TTLL1: variants seen among roughly 807,000 people sequenced by gnomAD.
The protein encoded by TTLL1 is TTL family tubulin polyglutamylase complex subunit L1.
TTLL1 carries 33 observed loss-of-function variants against 47.8 expected under a neutral mutation model. The ratio of observed to expected loss-of-function variants is 0.69; its 90% CI spans 0.52 to 0.92. TTLL1 has a LOEUF of 0.92. Among genes scored for constraint, TTLL1 ranks in the 40% least tolerant of loss-of-function variants. The probability of loss-of-function intolerance (pLI) is 0.00; values close to 1 mark genes in which losing one functional copy is unlikely to be tolerated. For synonymous variants in TTLL1, 225 were observed against 214.1 expected, an observed-to-expected ratio of 1.05 and a Z score of -0.45; for missense variants, 488 against 547.5, an observed-to-expected ratio of 0.89 and a Z score of 1.08.
At chr22:43,084,602 C>T (rs1436573013) in intron 1 of TTLL1, among the ~76,000 whole-genome samples, 6 of 150,952 alleles carry the variant, frequency 4.0e-5, no homozygotes, top group Admixed American at 6.6e-5. Flanking sequence ...CCTGGGCTCA[C>T]GCCATTCTCC....
At chr22:43,050,490 T>C (rs1926535011) in intron 9 of TTLL1, among the ~76,000 whole-genome samples, 1 of 149,736 alleles carries the variant, frequency 6.7e-6, no homozygotes, top group Non-Finnish European at 1.5e-5. Context: ...AGACTTCCAT[T>C]CAAGTCACTC....
chr22:43,078,878 G>T lies in TTLL1; in HGVS notation c.-5+1024C>A, dbSNP rs950424771. Reference sequence around the variant, plus strand: ...ACACCCACAGACACGGGGACCACGGGAGCCGCACCCCAGAGCGTGAGCCCA... The same window carrying T: ...ACACCCACAGACACGGGGACCACGGTAGCCGCACCCCAGAGCGTGAGCCCA... On this transcript the variant is annotated intron_variant, in intron 2 of 10. Transcript: ENST00000266254. Among the ~76,000 whole-genome samples the T allele has an allele frequency of 2.2e-3, 326 of 148,614 alleles. 1 individual carries two copies. The highest frequency in any genetic ancestry group is 3.9e-3 in the Non-Finnish European group (259 of 66,718).
At chr22:43,082,887 G>A (rs1263186215) in intron 1 of TTLL1, among the ~76,000 whole-genome samples, 3 of 151,832 alleles carry the variant, frequency 2.0e-5, no homozygotes, top group African/African-American at 7.3e-5. Flanking sequence ...GGTGGCGGGC[G>A]CCTGTAATCC....
chr22:43,058,357 A>G (rs1294476973), intron 8 of TTLL1, among the ~76,000 whole-genome samples: 1 of 152,192 alleles, frequency 6.6e-6, no homozygotes, highest in Non-Finnish European at 1.5e-5. Context: ...ACGAATGCCA[A>G]CTGAAAACCA....
chr22:43,078,349 A>G (rs1475595933), intron 2 of TTLL1, among the ~76,000 whole-genome samples: 1 of 152,010 alleles, frequency 6.6e-6, no homozygotes, highest in African/African-American at 2.4e-5. Context: ...TACAAAAATT[A>G]GCTGGGCGTG....
chr22:43,075,250 T>G (rs1928406973), intron 3 of TTLL1, among the ~76,000 whole-genome samples: 1 of 151,700 alleles, frequency 6.6e-6, no homozygotes, highest in South Asian at 2.1e-4. Context: ...ACAGGGTTGC[T>G]GTGCTGAAAC....
chr22:43,048,281 C>A (rs1009335294), intron 9 of TTLL1, among the ~76,000 whole-genome samples: 2 of 151,140 alleles, frequency 1.3e-5, no homozygotes, highest in African/African-American at 2.4e-5. Flanking sequence ...CACGCCACTG[C>A]GCTCCAGCCT....
In TTLL1 at chr22:43,063,902, G is replaced by T; in HGVS notation, c.658C>A (p.Arg220=). The change falls in exon 7 of 11, where the codon CGG becomes AGG. Residue 220 remains arginine (R), a synonymous_variant. Transcript: ENST00000266254. ...GGGGTGTATTTCACTGTGCAGAACC[G>T]GCAAAACCCAAGCTTGTACCTAGGA... ...RCYMYKLGFC[R]FCTVKYTPST... The T allele has an allele frequency of 1.2e-6, 2 of 1,614,048 alleles. No individual in the cohort carries two copies. Among genetic ancestry groups the T allele is most frequent in the Non-Finnish European group, 1.7e-6 (2 of 1,179,998 alleles).
rs1431299186 is a variant in TTLL1 at position 43,063,876 on chromosome 22, C to T, written c.684G>A (p.Pro228=). 23 of 1,613,914 alleles carry T rather than the reference C, an allele frequency of 1.4e-5. No homozygotes were observed. The highest frequency in any genetic ancestry group is 2.2e-5 in the East Asian group (1 of 44,892). Residue 228 remains proline, a synonymous_variant, in exon 7 of 11, where the codon CCG becomes CCA. Coordinates refer to ENST00000266254, the MANE Select transcript of TTLL1 (RefSeq NM_012263.5). Reference sequence around the variant, plus strand: ...ACATGTTGTCCAGCTCACTGGTACTCGGGGTGTATTTCACTGTGCAGAACC... The same window carrying T: ...ACATGTTGTCCAGCTCACTGGTACTTGGGGTGTATTTCACTGTGCAGAACC... ...FCRFCTVKYT[P]STSELDNMFV...
At chr22:43,066,144 G>C (rs1222576253) in intron 5 of TTLL1, among the ~76,000 whole-genome samples, 1 of 148,322 alleles carries the variant, frequency 6.7e-6, no homozygotes, top group Non-Finnish European at 1.5e-5. Flanking sequence ...GGGAGACAGA[G>C]CGAGACACTG....
At chr22:43,051,930 G>A (rs754012701) in intron 8 of TTLL1, 43 bp from the exon 9 acceptor site, 1 of 1,594,816 alleles carries the variant, frequency 6.3e-7, no homozygotes, top group South Asian at 1.1e-5. Flanking sequence ...CAGCATCGAA[G>A]GGCGCAGCCG....
intron 4 of TTLL1, among the ~76,000 whole-genome samples, chr22:43,069,274 C>A (rs937920873): frequency 2.6e-5 from 4 of 151,348 alleles, no homozygotes; most frequent in Non-Finnish European, 5.9e-5. Context: ...CACCAGTAGT[C>A]CCAGCTACTT....
intron 3 of TTLL1, chr22:43,070,261 AG>A (rs1412723014): frequency 2.3e-6 from 3 of 1,277,812 alleles, no homozygotes; most frequent in Admixed American, 4.6e-5. Flanking sequence ...ACAAAATCAC[AG>A]GGGTTATTTA....
chr22:43,039,763 G>T lies in TTLL1; in HGVS notation c.*13C>A. The T allele has an allele frequency of 6.2e-7, 1 of 1,604,842 alleles. No individual in the cohort carries two copies. Among genetic ancestry groups the T allele is most frequent in the Non-Finnish European group, 8.5e-7 (1 of 1,174,194 alleles). ...AGGTGGAGTGAGTAGTTTTGATAAG[G>T]TCCAGGTGGGACTCACTTCCAGGTG... is the stretch of plus-strand genomic sequence containing the variant. On this transcript the variant is annotated 3_prime_UTR_variant, in exon 11 of 11. Transcript: ENST00000266254.
chr22:43,055,896 T>C (rs1926965523), intron 8 of TTLL1, among the ~76,000 whole-genome samples: 1 of 151,520 alleles, frequency 6.6e-6, no homozygotes, highest in Non-Finnish European at 1.5e-5. Flanking sequence ...AGAGAATGTT[T>C]CTTTTTTTGT....
chr22:43,066,776 G>C lies in TTLL1; in HGVS notation c.503+1634C>G, dbSNP rs183755308. Among the ~76,000 whole-genome samples the C allele has an allele frequency of 5.9e-5, 9 of 151,800 alleles. No individual in the cohort carries two copies. In the East Asian group the frequency reaches 1.7e-3, roughly 29 times the overall value. ...AGGCCAAGGTGGGTGGATCACTTGAGGTCAAGAGTTAGAGACCAGCCTGGC... is the reference window on the plus strand; with the variant it reads ...AGGCCAAGGTGGGTGGATCACTTGACGTCAAGAGTTAGAGACCAGCCTGGC... On this transcript the variant is annotated intron_variant, in intron 5 of 10. Transcript: ENST00000266254.
At position 43,084,855 on chromosome 22, in the gene TTLL1, T is replaced by C. The variant is rs186675008; in HGVS notation, c.-90+4422A>G. On this transcript the variant is annotated intron_variant, in intron 1 of 10. Transcript: ENST00000266254. ...AATCTCTTATCATCAGGTGGTTAGG[T>C]TGGAGTAATTCTAGCCAGGGCCCTG... 4.9e-3 allele frequency among the ~76,000 whole-genome samples: 743 copies of C among 151,938 alleles called. 5 individuals carry two copies. The highest frequency in any genetic ancestry group is 0.017 in the African/African-American group (693 of 41,454).
intron 8 of TTLL1, 21 bp downstream of exon 8, chr22:43,059,363 C>T: frequency 6.3e-7 from 1 of 1,598,858 alleles, no homozygotes; most frequent in Non-Finnish European, 8.5e-7. Flanking sequence ...GAGCCGGCTC[C>T]CCCGCCCGCA....
chr22:43,052,113 G>A (rs910496308), intron 8 of TTLL1: 1 of 539,444 alleles, frequency 1.9e-6, no homozygotes, highest in South Asian at 2.0e-5. Context: ...AGCCGTAATG[G>A]GCATCTCTGC....
Sources: allele counts gnomAD v4.1 joint callset (sites outside exome capture counted in the v4.1 genomes callset), GRCh38; gene constraint gnomAD v4.1.1; transcripts MANE v1.5; gene names NCBI Gene and HGNC (gene_info 2026-07-23, HGNC 2026-07-21).